The following ANO3 variants were observed in gnomAD, a reference collection of about 807,000 sequenced individuals.
ANO3 encodes the protein anoctamin 3.
ANO3 carries 99 observed loss-of-function variants against 144.8 expected under a neutral mutation model. The observed-to-expected ratio is 0.68, with a 90% CI of 0.58 to 0.81. ANO3 has a LOEUF of 0.81. Ranked by LOEUF, ANO3 falls within the 30% of genes least tolerant of loss-of-function variation. ANO3 has a pLI of 0.00. For synonymous variants in ANO3, 414 were observed against 392.6 expected (o/e 1.05, Z -0.64); for missense variants, 905 against 1,202.2 (o/e 0.75, Z 3.66).
intron 1 of ANO3, among the ~76,000 whole-genome samples, chr11:26,398,644 G>A (rs1993745): frequency 0.54 from 81,289 of 151,894 alleles, 22,987 homozygotes; most frequent in East Asian, 0.69. Context: ...GAGTAACTGT[G>A]TAAAGCATTT....
At chr11:26,207,026 G>C (rs1851808613) in intron 1 of ANO3, among the ~76,000 whole-genome samples, 1 of 152,068 alleles carries the variant, frequency 6.6e-6, no homozygotes, top group African/African-American at 2.4e-5. Context: ...GCAGGGTGGT[G>C]GTTTCCAAGA....
At chr11:26,208,767 T>C (rs1851870346) in intron 1 of ANO3, among the ~76,000 whole-genome samples, 1 of 152,178 alleles carries the variant, frequency 6.6e-6, no homozygotes, top group South Asian at 2.1e-4. Flanking sequence ...AAACCTAGAC[T>C]GCTCAAAGAA....
intron 4 of ANO3, among the ~76,000 whole-genome samples, chr11:26,505,035 AAAAAG>A (rs1565066895): frequency 1.5e-5 from 2 of 129,414 alleles, no homozygotes; most frequent in African/African-American, 2.6e-5. Context: ...AAAAAAAAAA[AAAAAG>A]AAGAGAAAAG....
intron 14 of ANO3, among the ~76,000 whole-genome samples, chr11:26,583,593 A>G (rs769483226): frequency 4.6e-5 from 7 of 152,212 alleles, no homozygotes; most frequent in Non-Finnish European, 1.0e-4. Flanking sequence ...TTACATTTCT[A>G]TAAGGTGTTA....
At chr11:26,322,642 G>T (rs1480619933) in intron 1 of ANO3, among the ~76,000 whole-genome samples, 1 of 152,088 alleles carries the variant, frequency 6.6e-6, no homozygotes, top group Non-Finnish European at 1.5e-5. Flanking sequence ...TACACAGAAA[G>T]AATGTGCCAT....
chr11:26,346,072 C>T (rs1855489352), intron 1 of ANO3, among the ~76,000 whole-genome samples: 2 of 152,142 alleles, frequency 1.3e-5, no homozygotes, highest in African/African-American at 2.4e-5. Context: ...TGTTATGTTA[C>T]ATAGATCTTA....
At position 26,441,930 on chromosome 11, in the gene ANO3, G is replaced by T; in HGVS notation, c.59G>T (p.Ser20Ile). The change falls in exon 2 of 27, where the codon AGC (serine) becomes ATC (isoleucine). Residue 20 changes from serine (S) to isoleucine (I), a missense_variant. Coordinates refer to ENST00000256737, the MANE Select transcript of ANO3 (RefSeq NM_031418.4). ...TTTGGATTTGCAGGTATGAATATAA[G>T]CAAGAGTGAGATAACAAAAGAAACT... ...SFKQQKGMNI[S>I]KSEITKETSL... The T allele has an allele frequency of 6.2e-7, 1 of 1,613,294 alleles. No individual in the cohort carries two copies. Among genetic ancestry groups the T allele is most frequent in the Non-Finnish European group, 8.5e-7 (1 of 1,179,714 alleles).
chr11:26,534,583 C>A, intron 9 of ANO3, 21 bp downstream of exon 9: 1 of 1,510,984 alleles, frequency 6.6e-7, no homozygotes. Context: ...TAATTAATAA[C>A]AGAGTAGAAC....
intron 1 of ANO3, among the ~76,000 whole-genome samples, chr11:26,423,550 A>AT (rs201487626): frequency 4.0e-5 from 6 of 151,862 alleles, no homozygotes; most frequent in South Asian, 4.2e-4. Flanking sequence ...ATTCATATCA[A>AT]TTTTTTTTAA....
chr11:26,662,728 A>G lies in ANO3; in HGVS notation c.*2284A>G, dbSNP rs981760490. 1.3e-5 allele frequency: 2 copies of G among 152,096 alleles called. No individual in the cohort carries two copies. Among genetic ancestry groups the G allele is most frequent in the Non-Finnish European group, 2.9e-5 (2 of 67,982 alleles). The allele number at this position is 152,096 out of a possible 1,614,324, so 9.4% of individuals were successfully genotyped here. A position where few individuals can be genotyped will look rare whatever the true frequency, so the allele number is the denominator to read the frequency against. Reference sequence around the variant, plus strand: ...TACTTTTGAAACAGATGTGAAAAACAGAAAAAGAAAAAATTGTCTGAAATG... The same window carrying G: ...TACTTTTGAAACAGATGTGAAAAACGGAAAAAGAAAAAATTGTCTGAAATG... On this transcript the variant is annotated 3_prime_UTR_variant, in exon 27 of 27. Coordinates refer to ENST00000256737, the MANE Select transcript of ANO3 (RefSeq NM_031418.4).
At position 26,291,901 on chromosome 11, in the gene ANO3, C is replaced by T. The variant is rs958902596; in HGVS notation, c.155-17744C>T. Reference sequence around the variant, plus strand: ...AATTATGTGTCTTGGGGTTGCTCTTCTTGAGGAGTATCTTTGTGGCGTTCT... The same window carrying T: ...AATTATGTGTCTTGGGGTTGCTCTTTTTGAGGAGTATCTTTGTGGCGTTCT... On this transcript the variant is annotated intron_variant, in intron 1 of 27. Transcript: ENST00000672621. Among the ~76,000 whole-genome samples the T allele has an allele frequency of 5.9e-5, 9 of 152,220 alleles. No individual in the cohort carries two copies. In the East Asian group the frequency reaches 1.7e-3, roughly 29 times the overall value.
At chr11:26,312,504 C>T (rs913818828) in intron 1 of ANO3, among the ~76,000 whole-genome samples, 4 of 152,170 alleles carry the variant, frequency 2.6e-5, no homozygotes, top group African/African-American at 9.7e-5. Flanking sequence ...TCTCCAGCAC[C>T]TGTTGTTTCT....
chr11:26,245,703 A>G (rs1458718368), intron 1 of ANO3, among the ~76,000 whole-genome samples: 2 of 152,168 alleles, frequency 1.3e-5, no homozygotes, highest in African/African-American at 4.8e-5. Context: ...TGGCATGCAA[A>G]TTTATTAGCA....
intron 12 of ANO3, among the ~76,000 whole-genome samples, chr11:26,549,365 G>A (rs1391476884): frequency 6.6e-6 from 1 of 151,898 alleles, no homozygotes; most frequent in African/African-American, 2.4e-5. Flanking sequence ...CTGAAAATTT[G>A]GGGACTGAAA....
intron 1 of ANO3, among the ~76,000 whole-genome samples, chr11:26,303,209 A>T (rs960238608): frequency 4.6e-5 from 7 of 152,200 alleles, no homozygotes; most frequent in Non-Finnish European, 1.0e-4. Flanking sequence ...GCCAAAGGAA[A>T]ATAAATCGTT....
At chr11:26,283,483 G>A (rs35624765) in intron 1 of ANO3, among the ~76,000 whole-genome samples, 9,077 of 150,414 alleles carry the variant, frequency 0.06, 506 homozygotes, top group African/African-American at 0.15. Flanking sequence ...CCACACTATT[G>A]GTTAATTATG....
At chr11:26,549,314 TTTCTA>T (rs1849869640) in intron 12 of ANO3, among the ~76,000 whole-genome samples, 1 of 151,978 alleles carries the variant, frequency 6.6e-6, no homozygotes, top group African/African-American at 2.4e-5. Flanking sequence ...CCTGTCAGAC[TTTCTA>T]TTCTAAACCA....
chr11:26,272,837 G>C (rs1023524369), intron 1 of ANO3, among the ~76,000 whole-genome samples: 1 of 152,104 alleles, frequency 6.6e-6, no homozygotes, highest in Admixed American at 6.6e-5. Flanking sequence ...AGCAGCAAAG[G>C]ATAGGGTAAC....
intron 1 of ANO3, among the ~76,000 whole-genome samples, chr11:26,350,068 G>T (rs531521278): frequency 2.8e-4 from 43 of 152,232 alleles, no homozygotes; most frequent in African/African-American, 9.1e-4. Flanking sequence ...AGGGGGAGGA[G>T]ACAGGAACGG....
Sources: allele counts gnomAD v4.1 joint callset (sites outside exome capture counted in the v4.1 genomes callset), GRCh38; gene constraint gnomAD v4.1.1; transcripts MANE v1.5; gene names NCBI Gene and HGNC (gene_info 2026-07-23, HGNC 2026-07-21).